The following EPHA5 variants were observed in gnomAD, a reference collection of about 807,000 sequenced individuals.
EPHA5 encodes the protein ephrin type-A receptor 5.
Under a neutral mutation model 105.0 loss-of-function variants are expected in EPHA5, and 60 were observed. The observed-to-expected ratio is 0.57, with a 90% confidence interval of 0.46 to 0.71. EPHA5 has a LOEUF of 0.71. Ranked by LOEUF, EPHA5 falls within the 30% of genes least tolerant of loss-of-function variation. The probability of loss-of-function intolerance (pLI) is 0.00; values close to 1 mark genes in which losing one functional copy is unlikely to be tolerated. For synonymous variants in EPHA5, 513 were observed against 449.1 expected (o/e 1.14, Z -1.80); for missense variants, 1,218 against 1,274.7 (o/e 0.96, Z 0.68).
chr4:65,660,072 G>A (rs935205368), intron 1 of EPHA5, among the ~76,000 whole-genome samples: 5 of 151,786 alleles, frequency 3.3e-5, no homozygotes, highest in African/African-American at 7.3e-5. Flanking sequence ...ATACATATAC[G>A]TGTGTGTGTA....
chr4:65,364,360 CTTG>C (rs1371755099), intron 11 of EPHA5, among the ~76,000 whole-genome samples: 1 of 151,422 alleles, frequency 6.6e-6, no homozygotes, highest in Non-Finnish European at 1.5e-5. Flanking sequence ...AAATACATTA[CTTG>C]TTGACTGAAA....
intron 3 of EPHA5, among the ~76,000 whole-genome samples, chr4:65,557,647 A>G (rs1424793898): frequency 6.6e-6 from 1 of 152,014 alleles, no homozygotes; most frequent in East Asian, 1.9e-4. Context: ...GTAAAAAGTA[A>G]CATCTTATGA....
intron 5 of EPHA5, among the ~76,000 whole-genome samples, chr4:65,477,318 G>T (rs988043450): frequency 6.6e-6 from 1 of 152,112 alleles, no homozygotes; most frequent in Non-Finnish European, 1.5e-5. Flanking sequence ...GAGCATTCTG[G>T]CTCTAGTATA....
At chr4:65,659,629 G>A (rs182321229) in intron 1 of EPHA5, among the ~76,000 whole-genome samples, 4 of 151,990 alleles carry the variant, frequency 2.6e-5, no homozygotes, top group East Asian at 3.9e-4. Context: ...TAATACATAC[G>A]TAAACCACTT....
At chr4:65,658,208 G>A (rs770826572) in intron 1 of EPHA5, among the ~76,000 whole-genome samples, 14 of 152,074 alleles carry the variant, frequency 9.2e-5, no homozygotes, top group Non-Finnish European at 1.5e-4. Context: ...AAAGAGGTGA[G>A]TGTTTCTGAC....
chr4:65,399,820 T>A (rs1192186821), intron 8 of EPHA5, among the ~76,000 whole-genome samples: 1 of 151,830 alleles, frequency 6.6e-6, no homozygotes, highest in African/African-American at 2.4e-5. Flanking sequence ...AAACATAGTA[T>A]TAAAAAATAT....
chr4:65,604,375 A>G (rs577674038), intron 2 of EPHA5, among the ~76,000 whole-genome samples: 91 of 152,314 alleles, frequency 6.0e-4, no homozygotes, highest in Non-Finnish European at 5.4e-4. Flanking sequence ...ATTCTCAGTT[A>G]AGAAGATGGA....
intron 3 of EPHA5, among the ~76,000 whole-genome samples, chr4:65,515,076 C>A (rs965969653): frequency 1.3e-5 from 2 of 152,154 alleles, no homozygotes; most frequent in Non-Finnish European, 1.5e-5. Flanking sequence ...CTCTAGTGCC[C>A]TGACTCTACC....
At position 65,414,398 on chromosome 4, in the gene EPHA5, T is replaced by C. The variant is rs750845809; in HGVS notation, c.1573A>G (p.Ile525Val). 3.2e-5 allele frequency: 52 copies of C among 1,613,878 alleles called. No homozygotes were observed. The highest frequency in any genetic ancestry group is 4.2e-5 in the Non-Finnish European group (49 of 1,179,892). The change falls in exon 7 of 17, where the codon ATT (isoleucine) becomes GTT (valine). Residue 525 changes from isoleucine (I) to valine (V), a missense_variant. Ile to Val is a conservative substitution (Grantham distance 29). This residue lies in a region of EPHA5 where 971 missense variants were observed against 1,013.5 expected (regional missense o/e 0.96). Coordinates refer to ENST00000613740, the MANE Select transcript of EPHA5 (RefSeq NM_001281766.3). Reference sequence around the variant, plus strand: ...GCTGGTTTCAAGCCCTCTGCAGTAATAGTTGTCTCTTTAGATTTGATAATC... The same window carrying C: ...GCTGGTTTCAAGCCCTCTGCAGTAACAGTTGTCTCTTTAGATTTGATAATC... ...YTIIKSKETT[I>V]TAEGLKPASV...
intron 1 of EPHA5, among the ~76,000 whole-genome samples, chr4:65,645,613 C>CA (rs1170543654): frequency 7.3e-5 from 11 of 151,138 alleles, no homozygotes; most frequent in Non-Finnish European, 1.5e-4. Flanking sequence ...ACCATTTTTA[C>CA]CTTTTTTTTT....
chr4:65,463,664 A>G (rs1728332806), intron 5 of EPHA5, among the ~76,000 whole-genome samples: 1 of 152,148 alleles, frequency 6.6e-6, no homozygotes, highest in South Asian at 2.1e-4. Flanking sequence ...TCATTTAAGT[A>G]TAAGTTCATT....
rs1560405041 is a variant in EPHA5, at chr4:65,320,560, C to T, written c.*3554G>A. 8.7e-6 allele frequency: 2 copies of T among 229,406 alleles called. No individual in the cohort carries two copies. Among genetic ancestry groups the T allele is most frequent in the African/African-American group, 2.2e-5 (1 of 45,084 alleles). The allele number at this position is 229,406 out of a possible 1,614,324, so 14.2% of individuals were successfully genotyped here. On this transcript the variant is annotated 3_prime_UTR_variant, in exon 17 of 17. Transcript: ENST00000613740. ...CAAATAGTGTTTGCCATCCAATGCA[C>T]TTTTATAGCCAAAAATGTCTTCAGA...
chr4:65,440,120 T>A lies in EPHA5; in HGVS notation c.1403-19555A>T, dbSNP rs376327404. Among the ~76,000 whole-genome samples the A allele has an allele frequency of 3.0e-3, 459 of 152,176 alleles. 5 individuals carry two copies. Among genetic ancestry groups the A allele is most frequent in the African/African-American group, 0.01 (431 of 41,566 alleles). On this transcript the variant is annotated intron_variant, in intron 5 of 16. Transcript: ENST00000613740. ...AATAATATACTTATTTAAACCAAAA[T>A]AGACTTGTTTGCCTTTTAATAATAT...
intron 16 of EPHA5, among the ~76,000 whole-genome samples, chr4:65,325,798 AGGCTGGATAATTCTTT>A (rs1386832058): frequency 4.0e-5 from 6 of 151,102 alleles, no homozygotes; most frequent in Non-Finnish European, 7.4e-5. Context: ...TTAACATTAT[AGGCTGGATAATTCTTT>A]GGCTGGATAA....
At chr4:65,391,697 C>G (rs954328422) in intron 8 of EPHA5, among the ~76,000 whole-genome samples, 1 of 152,080 alleles carries the variant, frequency 6.6e-6, no homozygotes, top group South Asian at 2.1e-4. Flanking sequence ...CAGAGCCCAG[C>G]GTCTTCTGGA....
At chr4:65,384,687 G>A (rs1376414) in intron 8 of EPHA5, among the ~76,000 whole-genome samples, 1 of 151,600 alleles carries the variant, frequency 6.6e-6, no homozygotes, top group Admixed American at 6.6e-5. Flanking sequence ...CTCTGTGTTT[G>A]TTCTCAGCTG....
chr4:65,484,667 T>C (rs745693439), intron 5 of EPHA5, among the ~76,000 whole-genome samples: 24 of 152,194 alleles, frequency 1.6e-4, no homozygotes, highest in Non-Finnish European at 2.6e-4. Flanking sequence ...GGTTTTCTGG[T>C]TAGAATGAGC....
At chr4:65,504,713 A>T (rs1019823099) in intron 3 of EPHA5, among the ~76,000 whole-genome samples, 3 of 151,928 alleles carry the variant, frequency 2.0e-5, no homozygotes, top group African/African-American at 7.2e-5. Flanking sequence ...AGACTATCGT[A>T]AATCACAATA....
intron 5 of EPHA5, among the ~76,000 whole-genome samples, chr4:65,438,327 T>C (rs556023002): frequency 2.6e-5 from 4 of 151,512 alleles, no homozygotes; most frequent in Admixed American, 1.3e-4. Context: ...ATTCCCTGTA[T>C]CAGTTAAATA....
Sources: gnomAD v4.1 joint callset for allele counts (sites outside exome capture counted in the v4.1 genomes callset) on GRCh38, gnomAD v4.1.1 for gene constraint, gnomAD v4.1.1 regional missense constraint, MANE v1.5 for transcripts, NCBI Gene and HGNC (gene_info 2026-07-23, HGNC 2026-07-21) for gene names.